FBXL13: variants seen among roughly 807,000 people sequenced by gnomAD.
The protein encoded by FBXL13 is F-box and leucine rich repeat protein 13.
FBXL13 carries 67 observed loss-of-function variants against 83.6 expected under a neutral mutation model. That is an observed-to-expected ratio of 0.80 (90% CI 0.66 to 0.98). FBXL13 has a LOEUF of 0.98. Ranked by LOEUF, FBXL13 falls within the 50% of genes least tolerant of loss-of-function variation. The pLI is 0.00. For missense variants in FBXL13, 822 were observed against 866.5 expected (o/e 0.95, Z 0.64); for synonymous variants, 272 against 299.5 (o/e 0.91, Z 0.95).
intron 8 of FBXL13, among the ~76,000 whole-genome samples, chr7:102,940,666 T>G (rs1290359786): frequency 1.3e-5 from 2 of 152,252 alleles, no homozygotes; most frequent in African/African-American, 4.8e-5. Flanking sequence ...ATATTATATC[T>G]AGTTCTAGAT....
chr7:102,977,815 G>A lies in FBXL13; in HGVS notation c.496-9698C>T, dbSNP rs1827682175. ...CCTTTGTAGGGACATGGATGAAGCT[G>A]GAAACCATCATTCTCAGCAAACTAT... On this transcript the variant is annotated intron_variant, in intron 6 of 19. Transcript: ENST00000313221. Among the ~76,000 whole-genome samples the A allele has an allele frequency of 2.0e-5, 3 of 152,122 alleles. No individual in the cohort carries two copies. In the South Asian group the frequency reaches 6.2e-4, roughly 32 times the overall value.
chr7:102,933,143 C>G (rs1819544562), intron 8 of FBXL13: 1 of 152,138 alleles, frequency 6.6e-6, no homozygotes, highest in Non-Finnish European at 1.5e-5. Flanking sequence ...TAAAATAGGG[C>G]TGAACAGGAA....
intron 2 of FBXL13, among the ~76,000 whole-genome samples, chr7:103,053,442 C>T (rs1477468597): frequency 2.0e-5 from 3 of 152,144 alleles, no homozygotes; most frequent in Non-Finnish European, 2.9e-5. Flanking sequence ...CATGAGCCAC[C>T]GCACCCAGCC....
exon 1 of FBXL13, chr7:103,074,249 G>T: frequency 2.0e-6 from 2 of 998,252 alleles, no homozygotes; most frequent in Non-Finnish European, 2.4e-6. Context: ...GGCTCACCTT[G>T]GGCAGAATCC....
intron 6 of FBXL13, among the ~76,000 whole-genome samples, chr7:102,992,627 T>TG (rs1478535891): frequency 2.6e-5 from 4 of 152,276 alleles, no homozygotes; most frequent in Admixed American, 2.0e-4. Context: ...GGGAGGGGGA[T>TG]GGGGTCTCAC....
rs182896598 is a variant in FBXL13 at position 102,946,888 on chromosome 7, C to G, written c.725-14955G>C. ...CGGGGGTTTTGCCATGTTGGTCAGG[C>G]TGGTCTCGAACTCTTGACCTCGGGT... On this transcript the variant is annotated intron_variant, in intron 8 of 19. Transcript: ENST00000313221. Among the ~76,000 whole-genome samples, 6 of 152,082 alleles carry G rather than the reference C, an allele frequency of 3.9e-5. No homozygotes were observed. In the East Asian group the frequency reaches 1.2e-3, roughly 29 times the overall value.
chr7:102,899,890 T>C (rs1397084426), intron 11 of FBXL13, among the ~76,000 whole-genome samples: 1 of 151,726 alleles, frequency 6.6e-6, no homozygotes, highest in Admixed American at 6.6e-5. Flanking sequence ...GCCAATAAAA[T>C]ACAAAAATTA....
intron 6 of FBXL13, among the ~76,000 whole-genome samples, chr7:102,971,154 G>A (rs1392377106): frequency 6.6e-6 from 1 of 152,106 alleles, no homozygotes; most frequent in Non-Finnish European, 1.5e-5. Context: ...AACTGCAAAA[G>A]GCCAAAGCAC....
chr7:102,843,882 T>G (rs1052156150), intron 17 of FBXL13, among the ~76,000 whole-genome samples: 1 of 152,148 alleles, frequency 6.6e-6, no homozygotes, highest in African/African-American at 2.4e-5. Flanking sequence ...ATGAGAGAAG[T>G]GGAGGTTCTA....
intron 18 of FBXL13, among the ~76,000 whole-genome samples, chr7:102,831,333 T>C (rs727175): frequency 0.17 from 25,628 of 151,706 alleles, 2,231 homozygotes; most frequent in Middle Eastern, 0.26. Context: ...TGGGATCTTA[T>C]GTGCTACTGA....
At chr7:103,056,061 C>T (rs1032913558) in intron 1 of FBXL13, among the ~76,000 whole-genome samples, 9 of 152,112 alleles carry the variant, frequency 5.9e-5, no homozygotes, top group African/African-American at 2.2e-4. Flanking sequence ...TCTTTGCATC[C>T]TCATAGTTTA....
At chr7:103,018,524 C>T (rs1792673469) in intron 6 of FBXL13, among the ~76,000 whole-genome samples, 1 of 152,152 alleles carries the variant, frequency 6.6e-6, no homozygotes, top group Non-Finnish European at 1.5e-5. Context: ...AAGACACAGA[C>T]TGGCAAATTG....
rs139520166 is a variant in FBXL13, at chr7:102,889,543, T to C, written c.1009-5231A>G. On this transcript the variant is annotated intron_variant, in intron 11 of 19. Transcript: ENST00000313221. ...CGTCATTTACATTAGGTATTTCTCC[T>C]AATGCTATCCCTCCCCCAGTCCCCC... 3.8e-3 allele frequency among the ~76,000 whole-genome samples: 578 copies of C among 152,288 alleles called. 5 individuals carry two copies. The highest frequency in any genetic ancestry group is 0.014 in the African/African-American group (571 of 41,582).
chr7:103,039,813 G>C (rs1016084628), intron 2 of FBXL13, among the ~76,000 whole-genome samples: 2 of 151,964 alleles, frequency 1.3e-5, no homozygotes, highest in Admixed American at 6.6e-5. Context: ...CATTACAAGA[G>C]CTCCTGGTGG....
intron 19 of FBXL13, among the ~76,000 whole-genome samples, chr7:102,819,985 G>T (rs1344649255): frequency 6.6e-6 from 1 of 152,084 alleles, no homozygotes. Flanking sequence ...TTGAGGCCAG[G>T]GTATTTCAGG....
intron 11 of FBXL13, among the ~76,000 whole-genome samples, chr7:102,887,681 C>A (rs909226009): frequency 1.3e-5 from 2 of 152,208 alleles, no homozygotes; most frequent in African/African-American, 2.4e-5. Context: ...GAATGAAGTT[C>A]ACCCACATTA....
intron 6 of FBXL13, among the ~76,000 whole-genome samples, chr7:102,992,790 A>G (rs2129484642): frequency 6.6e-6 from 1 of 152,304 alleles, no homozygotes; most frequent in South Asian, 2.1e-4. Flanking sequence ...TATTTTTCAT[A>G]GAGACACAGT....
At chr7:102,912,675 C>G (rs3735214) in intron 11 of FBXL13, among the ~76,000 whole-genome samples, 6,809 of 130,416 alleles carry the variant, frequency 0.052, 539 homozygotes, top group South Asian at 0.16. Flanking sequence ...CATTTTACCC[C>G]CCCCCCCCCA....
At position 102,950,517 on chromosome 7, in the gene FBXL13, C is replaced by A. The variant is rs114864988; in HGVS notation, c.724+13016G>T. Among the ~76,000 whole-genome samples the A allele has an allele frequency of 3.7e-3, 567 of 152,234 alleles. 5 individuals are homozygous for A. The highest frequency in any genetic ancestry group is 0.013 in the African/African-American group (560 of 41,534). On this transcript the variant is annotated intron_variant, in intron 8 of 19. Coordinates refer to ENST00000313221, the Ensembl canonical transcript of FBXL13. ...GCAATCATGTTCCTTGGTATCTACC[C>A]AAAGGAGTTGAAAGCTTATGTCTAC... is the stretch of plus-strand genomic sequence containing the variant.
Sources: allele counts gnomAD v4.1 joint callset (sites outside exome capture counted in the v4.1 genomes callset), GRCh38; gene constraint gnomAD v4.1.1; transcripts MANE v1.5; gene names NCBI Gene and HGNC (gene_info 2026-07-23, HGNC 2026-07-21).